The following TMEM44 variants were observed in gnomAD, a reference collection of about 807,000 sequenced individuals.
TMEM44 encodes the protein transmembrane protein 44.
TMEM44 carries 43 observed loss-of-function variants against 47.8 expected under a neutral mutation model. The observed-to-expected ratio is 0.90, with a 90% CI of 0.70 to 1.16. The LOEUF (loss-of-function observed/expected upper bound fraction) is 1.16. Among genes scored for constraint, TMEM44 ranks in the 50% most tolerant of loss-of-function variants. TMEM44 has a pLI of 0.00. For synonymous variants in TMEM44, 277 were observed against 238.8 expected (o/e 1.16, Z -1.48); for missense variants, 568 against 555.2 (o/e 1.02, Z -0.23).
At chr3:194,593,988 A>G (rs1211429216) in intron 9 of TMEM44, among the ~76,000 whole-genome samples, 1 of 151,448 alleles carries the variant, frequency 6.6e-6, no homozygotes, top group Admixed American at 6.6e-5. Context: ...CATTTATTTT[A>G]TTTTTTTAGT....
At chr3:194,625,772 G>A (rs1023721055) in intron 3 of TMEM44, 125 bp downstream of exon 3, 20 of 827,910 alleles carry the variant, frequency 2.4e-5, no homozygotes, top group Non-Finnish European at 3.0e-5. Flanking sequence ...GAGCCACCGC[G>A]CCCAGCCTTT....
At position 194,628,481 on chromosome 3, in the gene TMEM44, G is replaced by C; in HGVS notation, c.166C>G (p.Pro56Ala). ...LLLYLRCAQK[P>A]RQDQSALCAA... ...CACAGTGCCGACTGGTCCTGTCTGG[G>C]TTTCTGTGCACATCTCAGATAGAGA... Residue 56 changes from proline to alanine, a missense_variant, in exon 2 of 10, where the codon CCC (proline) becomes GCC (alanine). Physicochemically the swap from Pro to Ala is conservative, Grantham distance 27 (BLOSUM62 -1). Transcript: ENST00000347147. The C allele has an allele frequency of 6.2e-7, 1 of 1,613,618 alleles. No individual in the cohort carries two copies. The highest frequency in any genetic ancestry group is 8.5e-7 in the Non-Finnish European group (1 of 1,179,764).
chr3:194,607,602 C>T (rs1714910432), intron 8 of TMEM44, among the ~76,000 whole-genome samples: 1 of 152,162 alleles, frequency 6.6e-6, no homozygotes, highest in Admixed American at 6.5e-5. Context: ...TGACCTTGAG[C>T]AGGTCACTTA....
chr3:194,625,534 G>A (rs1041167474), intron 3 of TMEM44, among the ~76,000 whole-genome samples: 1 of 151,862 alleles, frequency 6.6e-6, no homozygotes, highest in African/African-American at 2.4e-5. Flanking sequence ...AGGCTGGAAT[G>A]CAGTGGTGCG....
chr3:194,633,269 C>A lies in TMEM44; in HGVS notation c.-54G>T, dbSNP rs1350022456. 31 of 993,788 alleles carry A rather than the reference C, an allele frequency of 3.1e-5. No individual in the cohort carries two copies. The highest frequency in any genetic ancestry group is 5.4e-5 in the Admixed American group (1 of 18,610). The allele number at this position is 993,788 out of a possible 1,614,324, so 61.6% of individuals were successfully genotyped here. ...GGGGACCTGGGCGCAGCCTCCCTCG[C>A]CGCGGGCAAGCCCCGAGCGCCGCCG... On this transcript the variant is annotated 5_prime_UTR_variant, in exon 1 of 10. Transcript: ENST00000347147.
chr3:194,623,513 G>A lies in TMEM44; in HGVS notation c.525+16C>T, dbSNP rs974226243. On this transcript the variant is annotated intron_variant, in intron 4 of 9. Transcript: ENST00000347147. ...ATGCAGTACCCCGAGTCCTCCCCAC[G>A]GTGGCCCAGCCTCACCTGCAGCAGG... is the stretch of plus-strand genomic sequence containing the variant. 5.7e-6 allele frequency: 9 copies of A among 1,568,716 alleles called. No homozygotes were observed. The highest frequency in any genetic ancestry group is 7.8e-6 in the Non-Finnish European group (9 of 1,160,616).
chr3:194,630,686 G>A (rs6789014), intron 1 of TMEM44, among the ~76,000 whole-genome samples: 6 of 124,020 alleles, frequency 4.8e-5, no homozygotes, highest in African/African-American at 7.5e-5. Flanking sequence ...TTCCATCGGC[G>A]TCACTGATAG....
chr3:194,618,498 CAT>C (rs1214148655), intron 5 of TMEM44, among the ~76,000 whole-genome samples: 1 of 147,276 alleles, frequency 6.8e-6, no homozygotes, highest in Non-Finnish European at 1.5e-5. Context: ...TAGATGAGTT[CAT>C]ATATATACAA....
intron 8 of TMEM44, 23 bp downstream of exon 8, chr3:194,610,893 G>A (rs948118143): frequency 6.2e-7 from 1 of 1,603,536 alleles, no homozygotes; most frequent in Admixed American, 1.7e-5. Flanking sequence ...TCAGACACCT[G>A]GCCATGACCG....
intron 8 of TMEM44, among the ~76,000 whole-genome samples, chr3:194,607,154 C>T (rs1714870166): frequency 6.6e-6 from 1 of 151,950 alleles, no homozygotes; most frequent in Non-Finnish European, 1.5e-5. Flanking sequence ...AGTGAGCTCT[C>T]ACTTTGTTCT....
intron 3 of TMEM44, among the ~76,000 whole-genome samples, chr3:194,624,433 A>G (rs1716917533): frequency 6.6e-6 from 1 of 151,910 alleles, no homozygotes; most frequent in South Asian, 2.1e-4. Flanking sequence ...TTCATTTATT[A>G]TTTTTGAGAC....
At chr3:194,599,451 A>AT (rs1049264886) in intron 9 of TMEM44, among the ~76,000 whole-genome samples, 55 of 152,288 alleles carry the variant, frequency 3.6e-4, no homozygotes, top group African/African-American at 1.3e-3. Flanking sequence ...TCAAGCAAAT[A>AT]GGGGGGCATG....
chr3:194,631,545 A>C (rs1160587671), intron 1 of TMEM44, among the ~76,000 whole-genome samples: 1 of 152,216 alleles, frequency 6.6e-6, no homozygotes, highest in Non-Finnish European at 1.5e-5. Flanking sequence ...CCAATTGAAG[A>C]CCAAGGAGTG....
chr3:194,609,612 A>G (rs1480504914), intron 8 of TMEM44, among the ~76,000 whole-genome samples: 2 of 152,012 alleles, frequency 1.3e-5, no homozygotes, highest in Non-Finnish European at 2.9e-5. Flanking sequence ...CTCTTTCCCA[A>G]TTCTCTTCCT....
chr3:194,617,593 T>C lies in TMEM44; in HGVS notation c.613-324A>G, dbSNP rs150743481. 1.5e-3 allele frequency: 1,018 copies of C among 695,766 alleles called. 11 individuals are homozygous for C. In the African/African-American group the frequency reaches 0.015, roughly 11 times the overall value. 43.1% of individuals were successfully genotyped at this position (695,766 alleles called of 1,614,324 possible). ...TTTGATTGATCATGACTCAGCTCTT[T>C]ACACAGTCAGAGAGCTCCTGAGGGC... On this transcript the variant is annotated intron_variant, in intron 5 of 9. Coordinates refer to ENST00000347147, the MANE Select transcript of TMEM44 (RefSeq NM_001011655.3).
At chr3:194,601,019 G>T (rs952863525) in intron 9 of TMEM44, among the ~76,000 whole-genome samples, 1 of 152,218 alleles carries the variant, frequency 6.6e-6, no homozygotes, top group East Asian at 1.9e-4. Flanking sequence ...GGAGGTGGGT[G>T]AGGGTTATGC....
At chr3:194,605,055 T>C (rs1714623580) in intron 8 of TMEM44, among the ~76,000 whole-genome samples, 1 of 152,192 alleles carries the variant, frequency 6.6e-6, no homozygotes, top group Non-Finnish European at 1.5e-5. Context: ...GGGATGAAAG[T>C]GAGTTGGGAT....
chr3:194,604,400 C>T lies in TMEM44; in HGVS notation c.1063G>A (p.Ala355Thr), dbSNP rs377481095. ...GGGTCCTGCAGGGACGCATCTCCGG[C>T]GCTCGTCTGCCCGTCACCTGGCAGC... ...TRLPGDGQTS[A>T]GDASLQDPPS... Residue 355 changes from alanine to threonine, a missense_variant, in exon 9 of 10, where the codon GCC becomes ACC. Physicochemically the swap from Ala to Thr is moderately conservative, Grantham distance 58. Coordinates refer to ENST00000347147, the MANE Select transcript of TMEM44 (RefSeq NM_001011655.3). The T allele has an allele frequency of 2.7e-5, 42 of 1,539,930 alleles. No individual in the cohort carries two copies. Among genetic ancestry groups the T allele is most frequent in the East Asian group, 9.8e-5 (4 of 40,688 alleles).
chr3:194,628,250 AC>A, intron 2 of TMEM44, 132 bp downstream of exon 2: 1 of 1,264,462 alleles, frequency 7.9e-7, no homozygotes. Context: ...ACAGCCAGGC[AC>A]AGGTTCTGAG....
Sources: gnomAD v4.1 joint callset for allele counts (sites outside exome capture counted in the v4.1 genomes callset) on GRCh38, gnomAD v4.1.1 for gene constraint, MANE v1.5 for transcripts, NCBI Gene and HGNC (gene_info 2026-07-23, HGNC 2026-07-21) for gene names.